CACNA2D3: variants seen among roughly 807,000 people sequenced by gnomAD.
CACNA2D3 encodes calcium voltage-gated channel auxiliary subunit alpha2delta 3.
A neutral mutation model predicts 160.6 loss-of-function variants in CACNA2D3; 60 were observed. The ratio of observed to expected loss-of-function variants is 0.37; its 90% CI spans 0.30 to 0.46. The LOEUF (loss-of-function observed/expected upper bound fraction) is 0.46, where lower values mean the gene tolerates loss of function less well. CACNA2D3 is among the 20% of genes least tolerant of loss of function. The probability of loss-of-function intolerance (pLI) is 1.00; values close to 1 mark genes in which losing one functional copy is unlikely to be tolerated. For missense variants in CACNA2D3, 1,205 were observed against 1,365.0 expected (o/e 0.88, Z 1.85); for synonymous variants, 558 against 492.9 (o/e 1.13, Z -1.75).
At chr3:54,634,713 TTGAGCCAGGA>T (rs1343315737) in intron 10 of CACNA2D3, 7 of 152,350 alleles carry the variant, frequency 4.6e-5, no homozygotes, top group African/African-American at 1.4e-4. Context: ...GGGGTGCTTT[TTGAGCCAGGA>T]TGAGCCAGGA....
intron 4 of CACNA2D3, among the ~76,000 whole-genome samples, chr3:54,449,666 G>T (rs113406848): frequency 5.3e-5 from 8 of 152,240 alleles, no homozygotes; most frequent in African/African-American, 1.9e-4. Context: ...ATGGGATCTG[G>T]TTGTTTACAA....
At chr3:54,676,919 G>A (rs147449774) in intron 11 of CACNA2D3, among the ~76,000 whole-genome samples, 2 of 152,236 alleles carry the variant, frequency 1.3e-5, no homozygotes, top group East Asian at 3.9e-4. Flanking sequence ...CACCAAGTAG[G>A]GAGTCAGATG....
intron 27 of CACNA2D3, among the ~76,000 whole-genome samples, chr3:54,948,286 A>C (rs1701667153): frequency 6.6e-6 from 1 of 152,218 alleles, no homozygotes; most frequent in Non-Finnish European, 1.5e-5. Context: ...GCCCATCCAG[A>C]TGAGTAATTC....
intron 11 of CACNA2D3, among the ~76,000 whole-genome samples, chr3:54,672,628 A>G (rs1042375347): frequency 1.3e-5 from 2 of 152,220 alleles, no homozygotes; most frequent in African/African-American, 4.8e-5. Context: ...CATCACATCT[A>G]TGGATTAGTC....
intron 23 of CACNA2D3, 64 bp downstream of exon 23, chr3:54,885,650 A>AT (rs1317000426): frequency 7.8e-7 from 1 of 1,287,070 alleles, no homozygotes; most frequent in Non-Finnish European, 1.1e-6. Flanking sequence ...AACTCAAAAC[A>AT]TTTTTTGGCC....
chr3:54,205,853 A>G (rs1340681548), intron 2 of CACNA2D3, among the ~76,000 whole-genome samples: 1 of 152,214 alleles, frequency 6.6e-6, no homozygotes, highest in Non-Finnish European at 1.5e-5. Context: ...GGGTTGCCAG[A>G]TAAGATGCAG....
intron 13 of CACNA2D3, among the ~76,000 whole-genome samples, chr3:54,768,006 T>A (rs1288202337): frequency 1.3e-5 from 2 of 151,176 alleles, no homozygotes; most frequent in African/African-American, 2.4e-5. Context: ...GAGGAGGGAG[T>A]GATGGAGTTG....
intron 3 of CACNA2D3, among the ~76,000 whole-genome samples, chr3:54,386,435 A>G (rs947561977): frequency 6.6e-6 from 1 of 152,226 alleles, no homozygotes; most frequent in African/African-American, 2.4e-5. Context: ...CTCAAGGACC[A>G]GTGTCTGAAT....
intron 4 of CACNA2D3, among the ~76,000 whole-genome samples, chr3:54,402,025 G>T (rs1444687390): frequency 6.6e-6 from 1 of 152,118 alleles, no homozygotes; most frequent in Non-Finnish European, 1.5e-5. Context: ...AAGAGTGTTT[G>T]TATGAGAATG....
chr3:54,149,562 A>G (rs1360072855), intron 2 of CACNA2D3, among the ~76,000 whole-genome samples: 1 of 151,682 alleles, frequency 6.6e-6, no homozygotes, highest in African/African-American at 2.4e-5. Flanking sequence ...TGGCCCACAG[A>G]CTCCTCCTCT....
At chr3:54,361,729 C>G (rs552001583) in intron 3 of CACNA2D3, among the ~76,000 whole-genome samples, 23 of 152,186 alleles carry the variant, frequency 1.5e-4, no homozygotes, top group African/African-American at 5.1e-4. Context: ...AGGTTTTTGT[C>G]TGGTATAATG....
At chr3:54,204,766 A>T (rs528032111) in intron 2 of CACNA2D3, among the ~76,000 whole-genome samples, 1 of 140,260 alleles carries the variant, frequency 7.1e-6, no homozygotes, top group East Asian at 2.4e-4. Context: ...ATTGCACTCC[A>T]GCCTGGGTGA....
At chr3:54,618,352 C>CATATATATATATATATATAT (rs140732966) in intron 9 of CACNA2D3, among the ~76,000 whole-genome samples, 20 of 119,880 alleles carry the variant, frequency 1.7e-4, no homozygotes, top group African/African-American at 6.1e-4. Context: ...TTGATACATA[C>CATATATATATATATATATAT]ATATATATAT....
At chr3:54,289,163 A>G (rs954281216) in intron 2 of CACNA2D3, among the ~76,000 whole-genome samples, 10 of 152,326 alleles carry the variant, frequency 6.6e-5, no homozygotes, top group East Asian at 1.9e-4. Context: ...AAGCCCCATC[A>G]TCTCAGCCCA....
chr3:54,764,544 C>A (rs769205861), intron 13 of CACNA2D3, among the ~76,000 whole-genome samples, 193 bp downstream of exon 13: 1 of 152,156 alleles, frequency 6.6e-6, no homozygotes, highest in Non-Finnish European at 1.5e-5. Context: ...AAGTATGACA[C>A]GTACTTCAGA....
chr3:54,922,345 A>C (rs994712676), intron 27 of CACNA2D3, among the ~76,000 whole-genome samples: 5 of 151,100 alleles, frequency 3.3e-5, no homozygotes, highest in Non-Finnish European at 7.4e-5. Flanking sequence ...TTTAATCAAG[A>C]AATGTTCTTT....
intron 35 of CACNA2D3, among the ~76,000 whole-genome samples, chr3:55,068,464 A>T (rs1704719916): frequency 6.6e-6 from 1 of 152,168 alleles, no homozygotes; most frequent in South Asian, 2.1e-4. Flanking sequence ...CATTTACTCT[A>T]GTCTAACATG....
rs1701082375 is a variant in CACNA2D3, at chr3:54,928,193, A to G, written c.2449+28325A>G. On this transcript the variant is annotated intron_variant, in intron 27 of 37. Transcript: ENST00000474759. ...TTAAAATGTTGGCCTCCCCAGGATC[A>G]TCCCTGCCTTTCCCATTCAGACGAT... is the stretch of plus-strand genomic sequence containing the variant. The G allele has an allele frequency of 1.1e-5, 5 of 465,670 alleles. No individual in the cohort carries two copies. In the South Asian group the frequency reaches 2.0e-4, roughly 19 times the overall value. The allele number at this position is 465,670 out of a possible 1,614,324, so 28.8% of individuals were successfully genotyped here. A position where few individuals can be genotyped will look rare whatever the true frequency, so the allele number is the denominator to read the frequency against.
chr3:54,807,604 G>T (rs1703167331), intron 13 of CACNA2D3, among the ~76,000 whole-genome samples: 1 of 151,680 alleles, frequency 6.6e-6, no homozygotes, highest in African/African-American at 2.4e-5. Flanking sequence ...GACACTGTTG[G>T]TGGGACTGTA....
Sources: gnomAD v4.1 joint callset for allele counts (sites outside exome capture counted in the v4.1 genomes callset) on GRCh38, gnomAD v4.1.1 for gene constraint, MANE v1.5 for transcripts, NCBI Gene and HGNC (gene_info 2026-07-23, HGNC 2026-07-21) for gene names.